Variants in PRICKLE2 observed in about 807,000 individuals in gnomAD.
The protein encoded by PRICKLE2 is prickle planar cell polarity protein 2, also known as prickle-like protein 2.
PRICKLE2 carries 21 observed loss-of-function variants against 81.4 expected under a neutral mutation model. The ratio of observed to expected loss-of-function variants is 0.26; its 90% CI spans 0.18 to 0.37. The LOEUF (loss-of-function observed/expected upper bound fraction) is 0.37, where lower values mean the gene tolerates loss of function less well. Among genes scored for constraint, PRICKLE2 ranks in the 10% least tolerant of loss-of-function variants. PRICKLE2 has a pLI of 1.00. For synonymous variants in PRICKLE2, 456 were observed against 421.5 expected (o/e 1.08, Z -1.00); for missense variants, 940 against 1,109.0 (o/e 0.85, Z 2.16).
At chr3:64,187,014 G>A (rs732693) in intron 2 of PRICKLE2, among the ~76,000 whole-genome samples, 28,945 of 152,124 alleles carry the variant, frequency 0.19, 3,199 homozygotes, top group East Asian at 0.47. Flanking sequence ...GGAGATACCT[G>A]TCTTGAAAGC....
intron 2 of PRICKLE2, among the ~76,000 whole-genome samples, chr3:64,197,352 G>A (rs565226152): frequency 6.6e-5 from 10 of 152,234 alleles, no homozygotes; most frequent in African/African-American, 2.2e-4. Flanking sequence ...TTCCACAATG[G>A]CCGAACTCAT....
chr3:64,177,658 G>A lies in PRICKLE2; in HGVS notation c.145-14529C>T, dbSNP rs141939250. 7.2e-3 allele frequency among the ~76,000 whole-genome samples: 1,103 copies of A among 152,216 alleles called. 11 individuals are homozygous for A. The highest frequency in any genetic ancestry group is 0.025 in the African/African-American group (1,032 of 41,530). Reference sequence around the variant, plus strand: ...CTAGTCTAGATACTTCATATAAGTGGAATCATGCAATATTCGTCCTTTGTG... The same window carrying A: ...CTAGTCTAGATACTTCATATAAGTGAAATCATGCAATATTCGTCCTTTGTG... On this transcript the variant is annotated intron_variant, in intron 2 of 7. Coordinates refer to ENST00000638394, the MANE Select transcript of PRICKLE2 (RefSeq NM_198859.4).
intron 1 of PRICKLE2, among the ~76,000 whole-genome samples, chr3:64,206,319 G>A (rs893289229): frequency 1.1e-4 from 17 of 152,194 alleles, no homozygotes; most frequent in Non-Finnish European, 1.9e-4. Flanking sequence ...AAGGAGTGCC[G>A]TAGAGTGTGG....
At chr3:64,133,327 G>T (rs2077225123) in intron 7 of PRICKLE2, among the ~76,000 whole-genome samples, 1 of 152,156 alleles carries the variant, frequency 6.6e-6, no homozygotes, top group African/African-American at 2.4e-5. Flanking sequence ...AGCTTGATGG[G>T]AAGCTCAGGC....
chr3:64,200,770 C>T (rs1270098018), intron 1 of PRICKLE2: 1 of 152,200 alleles, frequency 6.6e-6, no homozygotes, highest in Non-Finnish European at 1.5e-5. Context: ...GCATGCACCA[C>T]CACGCCCAGC....
intron 2 of PRICKLE2, among the ~76,000 whole-genome samples, chr3:64,265,864 G>A (rs1484334153): frequency 6.6e-6 from 1 of 152,200 alleles, no homozygotes; most frequent in Non-Finnish European, 1.5e-5. Flanking sequence ...TCCTGTTGAA[G>A]CTAAGTGGGA....
At chr3:64,103,952 C>A (rs2076711006) in intron 7 of PRICKLE2, among the ~76,000 whole-genome samples, 1 of 152,064 alleles carries the variant, frequency 6.6e-6, no homozygotes, top group South Asian at 2.1e-4. Flanking sequence ...TGTGCTCCAG[C>A]CTGGGCAACA....
intron 2 of PRICKLE2, among the ~76,000 whole-genome samples, chr3:64,197,693 T>C (rs1464862515): frequency 6.6e-6 from 1 of 152,048 alleles, no homozygotes; most frequent in East Asian, 1.9e-4. Context: ...CACTGGGCCC[T>C]ACCACAGAGT....
At chr3:64,194,995 T>C (rs1453624527) in intron 2 of PRICKLE2, among the ~76,000 whole-genome samples, 2 of 152,192 alleles carry the variant, frequency 1.3e-5, no homozygotes, top group African/African-American at 4.8e-5. Context: ...TGAGCTATGA[T>C]CGTACCACTG....
chr3:64,161,347 C>T (rs1417503782), intron 3 of PRICKLE2, among the ~76,000 whole-genome samples: 1 of 152,134 alleles, frequency 6.6e-6, no homozygotes, highest in Non-Finnish European at 1.5e-5. Flanking sequence ...GTAATCTGGA[C>T]ATCAGAAAGG....
At chr3:64,220,807 T>A (rs746806433) in intron 1 of PRICKLE2, among the ~76,000 whole-genome samples, 1 of 152,180 alleles carries the variant, frequency 6.6e-6, no homozygotes, top group Non-Finnish European at 1.5e-5. Flanking sequence ...TCTGAGTGCT[T>A]GGTTCAGCCA....
intron 2 of PRICKLE2, among the ~76,000 whole-genome samples, chr3:64,181,960 G>GA (rs2078142978): frequency 6.6e-6 from 1 of 152,120 alleles, no homozygotes; most frequent in Non-Finnish European, 1.5e-5. Flanking sequence ...TATTAAGAAG[G>GA]AAGACAAAAA....
rs913869771 is a variant in PRICKLE2 at position 64,137,650 on chromosome 3, A to G, written c.1660+9180T>C. Among the ~76,000 whole-genome samples, 8 of 152,092 alleles carry G rather than the reference A, an allele frequency of 5.3e-5. No individual in the cohort carries two copies. In the East Asian group the frequency reaches 7.7e-4, roughly 15 times the overall value. On this transcript the variant is annotated intron_variant, in intron 7 of 7. Coordinates refer to ENST00000638394, the MANE Select transcript of PRICKLE2 (RefSeq NM_198859.4). ...CTGCTCTGGGCTGAGCTCTCTTCCA[A>G]CTGCCCACTGATTCCCTGTTGTCCC... is the stretch of plus-strand genomic sequence containing the variant.
At chr3:64,199,713 G>C (rs1459606867) in intron 1 of PRICKLE2, 1 of 152,098 alleles carries the variant, frequency 6.6e-6, no homozygotes, top group Non-Finnish European at 1.5e-5. Flanking sequence ...TCTCTTTTAA[G>C]GTTACCATCT....
In PRICKLE2 at chr3:64,109,771, C is replaced by T. The variant is rs146061549; in HGVS notation, c.1661-9846G>A. Among the ~76,000 whole-genome samples the T allele has an allele frequency of 3.5e-4, 54 of 152,252 alleles. No homozygotes were observed. In the East Asian group the frequency reaches 0.01, roughly 29 times the overall value. ...ATCTTGGTTTTCCCAACAATAGCGG[C>T]TTTGTTTTTTAGCAGCATTCATTCT... On this transcript the variant is annotated intron_variant, in intron 7 of 7. Coordinates refer to ENST00000638394, the MANE Select transcript of PRICKLE2 (RefSeq NM_198859.4).
intron 7 of PRICKLE2, chr3:64,145,419 TCTCA>T (rs1257186316): frequency 6.6e-6 from 1 of 150,662 alleles, no homozygotes; most frequent in African/African-American, 2.4e-5. Flanking sequence ...AGAGACAGAG[TCTCA>T]CTATGTTGCC....
At chr3:64,103,874 G>T (rs982072759) in intron 7 of PRICKLE2, among the ~76,000 whole-genome samples, 2 of 152,086 alleles carry the variant, frequency 1.3e-5, no homozygotes, top group African/African-American at 4.8e-5. Flanking sequence ...CAGCTACTTG[G>T]GAGACTGAGG....
intron 2 of PRICKLE2, among the ~76,000 whole-genome samples, chr3:64,171,857 A>G (rs1396551736): frequency 6.6e-6 from 1 of 152,208 alleles, no homozygotes; most frequent in Non-Finnish European, 1.5e-5. Flanking sequence ...ATAACTGTCA[A>G]TATACTGTTT....
chr3:64,262,226 T>G (rs1403090103), intron 2 of PRICKLE2, among the ~76,000 whole-genome samples: 5 of 152,218 alleles, frequency 3.3e-5, no homozygotes, highest in African/African-American at 2.4e-5. Context: ...TTGGGCTATT[T>G]TTTTGAAGTA....
Sources: gnomAD v4.1 joint callset for allele counts (sites outside exome capture counted in the v4.1 genomes callset) on GRCh38, gnomAD v4.1.1 for gene constraint, MANE v1.5 for transcripts, NCBI Gene and HGNC (gene_info 2026-07-23, HGNC 2026-07-21) for gene names.